The following DNAJB1 variants were observed in gnomAD, a reference collection of about 807,000 sequenced individuals.
The protein encoded by DNAJB1 is DnaJ heat shock protein family (Hsp40) member B1, also known as dnaJ homolog subfamily B member 1.
In DNAJB1, 14 loss-of-function variants were observed where a neutral mutation model predicts 24.0. The observed-to-expected ratio is 0.58, with a 90% CI of 0.39 to 0.91. DNAJB1 has a LOEUF of 0.91. Among genes scored for constraint, DNAJB1 ranks in the 40% least tolerant of loss-of-function variants. DNAJB1 has a pLI of 0.00. For missense variants in DNAJB1, 517 were observed against 458.1 expected, an observed-to-expected ratio of 1.13 and a Z score of -1.17; for synonymous variants, 262 against 174.4, an observed-to-expected ratio of 1.50 and a Z score of -3.96.
At chr19:14,520,603 G>A (rs950689910), upstream of DNAJB1, among the ~76,000 whole-genome samples, 2 of 152,148 alleles carry the variant, frequency 1.3e-5, no homozygotes, top group South Asian at 2.1e-4. Context: ...TGGACAACCC[G>A]GGAGGATGGG....
At chr19:14,524,658 C>G (rs2072398389) in intron 2 of DNAJB1, among the ~76,000 whole-genome samples, 1 of 150,808 alleles carries the variant, frequency 6.6e-6, no homozygotes, top group African/African-American at 2.4e-5. Flanking sequence ...CCAGCCTGGC[C>G]AACATGGTGA....
intron 1 of DNAJB1, among the ~76,000 whole-genome samples, chr19:14,538,536 CTTTT>C (rs5827232): frequency 2.2e-5 from 3 of 136,760 alleles, no homozygotes; most frequent in Non-Finnish European, 1.6e-5. Flanking sequence ...TCTTTTTTTT[CTTTT>C]TTTTTTTTTT....
chr19:14,519,109 T>C (rs930750765), upstream of DNAJB1, among the ~76,000 whole-genome samples: 3 of 152,240 alleles, frequency 2.0e-5, no homozygotes, highest in Non-Finnish European at 4.4e-5. Context: ...GGCTCACGCC[T>C]GTAATCCCAG....
chr19:14,528,143 C>T (rs751459108), intron 1 of DNAJB1, among the ~76,000 whole-genome samples: 8 of 152,034 alleles, frequency 5.3e-5, no homozygotes, highest in East Asian at 1.9e-4. Flanking sequence ...CTTGGCCTCC[C>T]GAAGTGCTGG....
chr19:14,516,420 A>G, intron 2 of DNAJB1, 46 bp downstream of exon 2: 3 of 1,573,846 alleles, frequency 1.9e-6, no homozygotes, highest in South Asian at 2.3e-5. Flanking sequence ...CTGCTTCAAA[A>G]AGCAGCCATC....
At position 14,528,520 on chromosome 19, in the gene DNAJB1, G is replaced by T. The variant is rs537152794; in HGVS notation, c.-175+690C>A. On this transcript the variant is annotated intron_variant, in intron 1 of 3. Coordinates refer to the DNAJB1 transcript ENST00000396969. ...CCCAAGGTGCTAGGATTACAGGTGT[G>T]AGCCATCGTTCCCGGCCTGGACCAG... 2.6e-5 allele frequency among the ~76,000 whole-genome samples: 4 copies of T among 152,158 alleles called. No homozygotes were observed. In the East Asian group the frequency reaches 7.8e-4, roughly 30 times the overall value.
chr19:14,539,477 G>A (rs2073022835), intron 1 of DNAJB1, among the ~76,000 whole-genome samples: 2 of 152,054 alleles, frequency 1.3e-5, no homozygotes, highest in South Asian at 4.1e-4. Flanking sequence ...GGAGCACACT[G>A]CTTCTGTTCC....
intron 1 of DNAJB1, among the ~76,000 whole-genome samples, chr19:14,542,195 G>A (rs1337973900): frequency 6.6e-6 from 1 of 151,864 alleles, no homozygotes; most frequent in East Asian, 1.9e-4. Context: ...CAACTCTTGG[G>A]CTCAAGTGAT....
At chr19:14,555,566 C>G (rs2073693329) in intron 1 of DNAJB1, among the ~76,000 whole-genome samples, 1 of 151,232 alleles carries the variant, frequency 6.6e-6, no homozygotes, top group South Asian at 2.1e-4. Flanking sequence ...GTGCCTCAGC[C>G]TCCCAAGTGG....
chr19:14,523,869 C>G (rs565253019), intron 2 of DNAJB1, among the ~76,000 whole-genome samples: 1 of 152,126 alleles, frequency 6.6e-6, no homozygotes, highest in Non-Finnish European at 1.5e-5. Flanking sequence ...GGTGATCCGC[C>G]GGCCTTGGCC....
At chr19:14,521,621 GT>G (rs781411770), upstream of DNAJB1, among the ~76,000 whole-genome samples, 11 of 152,006 alleles carry the variant, frequency 7.2e-5, no homozygotes, top group Admixed American at 2.6e-4. Flanking sequence ...TGTTCAGGAA[GT>G]TTTGTTTGTT....
upstream of DNAJB1, among the ~76,000 whole-genome samples, chr19:14,533,670 G>C (rs2072756917): frequency 1.3e-5 from 2 of 151,252 alleles, no homozygotes; most frequent in Admixed American, 1.3e-4. Flanking sequence ...ATCGGTGGCT[G>C]TTTCCATAGT....
At chr19:14,525,890 C>T (rs888773555) in intron 2 of DNAJB1, among the ~76,000 whole-genome samples, 5 of 152,068 alleles carry the variant, frequency 3.3e-5, no homozygotes, top group Admixed American at 3.3e-4. Context: ...ATTCCTGACA[C>T]AGCAGAAACT....
At chr19:14,540,216 C>A (rs541542056) in intron 1 of DNAJB1, among the ~76,000 whole-genome samples, 1 of 151,714 alleles carries the variant, frequency 6.6e-6, no homozygotes, top group African/African-American at 2.4e-5. Context: ...CCCACCACCA[C>A]GCCTGGCTAA....
At chr19:14,541,941 C>T (rs1428220787) in intron 1 of DNAJB1, among the ~76,000 whole-genome samples, 3 of 152,048 alleles carry the variant, frequency 2.0e-5, no homozygotes, top group Non-Finnish European at 2.9e-5. Flanking sequence ...CGTGCCACCA[C>T]GCCTGGCGTA....
intron 1 of DNAJB1, among the ~76,000 whole-genome samples, chr19:14,559,741 C>G (rs991923237): frequency 3.3e-5 from 5 of 151,364 alleles, no homozygotes; most frequent in Admixed American, 3.3e-4. Flanking sequence ...GAGTCAAGAT[C>G]GCACTGCTGC....
At chr19:14,550,309 C>T (rs1030518244) in exon 1 of DNAJB1, among the ~76,000 whole-genome samples, 1 of 152,062 alleles carries the variant, frequency 6.6e-6, no homozygotes, top group African/African-American at 2.4e-5. Flanking sequence ...TAGCTGCCGC[C>T]GCGTGTATAA....
At position 14,542,341 on chromosome 19, in the gene DNAJB1, C is replaced by G. The variant is rs535877467; in HGVS notation, c.-214+7867G>C. Reference sequence around the variant, plus strand: ...TTAAGTCCTCAGGGGGCCCTCATGCCATAGTGTTTTTTTTTTTTTTTTTTT... The same window carrying G: ...TTAAGTCCTCAGGGGGCCCTCATGCGATAGTGTTTTTTTTTTTTTTTTTTT... On this transcript the variant is annotated intron_variant, in intron 1 of 3. Coordinates refer to the DNAJB1 transcript ENST00000676982. Among the ~76,000 whole-genome samples, 298 of 92,326 alleles carry G rather than the reference C, an allele frequency of 3.2e-3. 1 individual carries two copies. The highest frequency in any genetic ancestry group is 4.7e-3 in the Non-Finnish European group (180 of 37,910). The allele number at this position is 92,326 out of a possible 152,430, so 60.6% of individuals were successfully genotyped here.
At chr19:14,549,424 G>A (rs1568412980) in intron 1 of DNAJB1, among the ~76,000 whole-genome samples, 1 of 151,902 alleles carries the variant, frequency 6.6e-6, no homozygotes, top group African/African-American at 2.4e-5. Context: ...TATTGGCCAG[G>A]CTAGTCTTGA....
Sources: gnomAD v4.1 joint callset for allele counts (sites outside exome capture counted in the v4.1 genomes callset) on GRCh38, gnomAD v4.1.1 for gene constraint, MANE v1.5 for transcripts, NCBI Gene and HGNC (gene_info 2026-07-23, HGNC 2026-07-21) for gene names.